OSBPL6: variants seen among roughly 807,000 people sequenced by gnomAD.
OSBPL6 encodes the protein oxysterol binding protein like 6.
OSBPL6 carries 49 observed loss-of-function variants against 125.8 expected under a neutral mutation model. The ratio of observed to expected loss-of-function variants is 0.39; its 90% confidence interval spans 0.31 to 0.49. OSBPL6 has a LOEUF of 0.49. Ranked by LOEUF, OSBPL6 falls within the 20% of genes least tolerant of loss-of-function variation. OSBPL6 has a pLI of 0.88. For missense variants in OSBPL6, 986 were observed against 1,135.4 expected (o/e 0.87, Z 1.89); for synonymous variants, 394 against 391.8 (o/e 1.01, Z -0.07).
rs1418645426 is a variant in OSBPL6, at chr2:178,348,482, G to T, written c.988-742G>T. Among the ~76,000 whole-genome samples the T allele has an allele frequency of 4.6e-5, 7 of 152,172 alleles. No homozygotes were observed. The East Asian group carries it at 7.7e-4, about 17-fold the overall frequency. ...TTTGCCTCCACCAATCAGGAACCTA[G>T]TCCATATCCAGCCTGGGCAAGGAAG... On this transcript the variant is annotated intron_variant, in intron 11 of 24. Transcript: ENST00000190611.
intron 1 of OSBPL6, among the ~76,000 whole-genome samples, chr2:178,250,044 A>G (rs968677016): frequency 1.3e-5 from 2 of 152,200 alleles, no homozygotes; most frequent in Non-Finnish European, 2.9e-5. Flanking sequence ...CATGCCAGCA[A>G]CCGTATAGGT....
At chr2:178,326,212 C>G (rs1429895852) in intron 4 of OSBPL6, among the ~76,000 whole-genome samples, 1 of 151,754 alleles carries the variant, frequency 6.6e-6, no homozygotes, top group African/African-American at 2.4e-5. Flanking sequence ...TACCCACACA[C>G]ATGCACACTC....
intron 1 of OSBPL6, among the ~76,000 whole-genome samples, chr2:178,261,983 C>T (rs2092079790): frequency 6.6e-6 from 1 of 152,088 alleles, no homozygotes; most frequent in Non-Finnish European, 1.5e-5. Flanking sequence ...TCAGATTTCT[C>T]CTACTGATCC....
At chr2:178,259,311 A>G (rs559256937) in intron 1 of OSBPL6, among the ~76,000 whole-genome samples, 1 of 152,252 alleles carries the variant, frequency 6.6e-6, no homozygotes, top group East Asian at 1.9e-4. Context: ...ATTCCGTTTG[A>G]GATTGTGCTG....
Position 178,318,970 on chromosome 2 carries a change from C to T in OSBPL6, c.103-5207C>T, listed in dbSNP as rs145869781. 3.3e-5 allele frequency among the ~76,000 whole-genome samples: 5 copies of T among 152,302 alleles called. No homozygotes were observed. The East Asian group carries it at 7.7e-4, about 23-fold the overall frequency. On this transcript the variant is annotated intron_variant, in intron 3 of 24. Transcript: ENST00000190611. ...GGCAGCACTGTGCATACACTGGATG[C>T]CTACCCTGTGACTTGCAGTGTCTTG...
At chr2:178,337,741 A>C (rs1037355126) in intron 9 of OSBPL6, among the ~76,000 whole-genome samples, 4 of 152,214 alleles carry the variant, frequency 2.6e-5, no homozygotes, top group Non-Finnish European at 5.9e-5. Flanking sequence ...CCTTAAACTG[A>C]ATTATTCACA....
intron 1 of OSBPL6, among the ~76,000 whole-genome samples, chr2:178,283,035 G>A (rs1044005547): frequency 1.3e-5 from 2 of 152,160 alleles, no homozygotes; most frequent in Admixed American, 6.6e-5. Context: ...ACTGAGTAGT[G>A]TGCAGAAAAT....
chr2:178,328,000 C>G (rs981327268), intron 4 of OSBPL6, among the ~76,000 whole-genome samples: 2 of 152,216 alleles, frequency 1.3e-5, no homozygotes, highest in African/African-American at 4.8e-5. Context: ...TTCCATCCTA[C>G]CCCAAACAGA....
chr2:178,233,139 C>T (rs2090903774), intron 1 of OSBPL6, among the ~76,000 whole-genome samples: 1 of 152,176 alleles, frequency 6.6e-6, no homozygotes, highest in African/African-American at 2.4e-5. Flanking sequence ...TTCAAAACAG[C>T]TGATTCAAGA....
chr2:178,353,129 A>T (rs1574947916), intron 12 of OSBPL6, among the ~76,000 whole-genome samples: 1 of 152,386 alleles, frequency 6.6e-6, no homozygotes, highest in Non-Finnish European at 1.5e-5. Flanking sequence ...AAAACCACAA[A>T]GATGGGGAGA....
At chr2:178,241,285 T>G (rs950269923) in intron 1 of OSBPL6, among the ~76,000 whole-genome samples, 9 of 152,056 alleles carry the variant, frequency 5.9e-5, no homozygotes, top group Admixed American at 5.2e-4. Flanking sequence ...AGCTAATTTT[T>G]GTATTTTTAG....
rs1156668873 is a variant in OSBPL6 at position 178,395,521 on chromosome 2, C to G, written c.2767C>G (p.Pro923Ala). ...CACCTACTGGGAGCTTCGAAAGGAC[C>G]CTGGGTTTAGCAAAGTAGACAGCCC... is the stretch of plus-strand genomic sequence containing the variant. The part of the protein sequence containing the change: ...NDTYWELRKD[P>A]GFSKVDSPVL... Residue 923 changes from proline (P) to alanine (A), a missense_variant, in exon 25 of 25, where the codon CCT (proline) becomes GCT (alanine). Physicochemically the swap from Pro to Ala is conservative, Grantham distance 27. This residue lies in a region of OSBPL6 where 843 missense variants were observed against 997.3 expected (regional missense o/e 0.85). Coordinates refer to ENST00000190611, the MANE Select transcript of OSBPL6 (RefSeq NM_032523.4). 1.2e-6 allele frequency: 2 copies of G among 1,613,518 alleles called. No individual in the cohort carries two copies. Among genetic ancestry groups the G allele is most frequent in the Non-Finnish European group, 1.7e-6 (2 of 1,179,782 alleles).
chr2:178,296,497 T>A (rs567683204), intron 2 of OSBPL6, among the ~76,000 whole-genome samples: 1 of 152,148 alleles, frequency 6.6e-6, no homozygotes, highest in African/African-American at 2.4e-5. Flanking sequence ...ACCACTACAA[T>A]GAAAACCACC....
At chr2:178,349,779 G>A (rs1462779868) in intron 12 of OSBPL6, among the ~76,000 whole-genome samples, 1 of 152,094 alleles carries the variant, frequency 6.6e-6, no homozygotes. Flanking sequence ...TTTACAATTT[G>A]TGGGTCGGGA....
At chr2:178,367,784 G>A (rs955167391) in intron 13 of OSBPL6, among the ~76,000 whole-genome samples, 4 of 152,182 alleles carry the variant, frequency 2.6e-5, no homozygotes, top group African/African-American at 9.7e-5. Context: ...AGTGCAGTCC[G>A]AGCTCAGTAA....
At chr2:178,234,134 T>A (rs2090951838) in intron 1 of OSBPL6, among the ~76,000 whole-genome samples, 1 of 152,218 alleles carries the variant, frequency 6.6e-6, no homozygotes. Flanking sequence ...TTACCATATA[T>A]GTCTGAAGTC....
At chr2:178,382,226 G>C (rs1438399689) in intron 15 of OSBPL6, among the ~76,000 whole-genome samples, 194 bp from the exon 16 acceptor site, 1 of 152,146 alleles carries the variant, frequency 6.6e-6, no homozygotes, top group Non-Finnish European at 1.5e-5. Context: ...CTAAAGACCA[G>C]GCTCCCTTCT....
intron 1 of OSBPL6, among the ~76,000 whole-genome samples, chr2:178,210,072 T>A (rs1392185905): frequency 6.6e-6 from 1 of 152,058 alleles, no homozygotes; most frequent in Non-Finnish European, 1.5e-5. Flanking sequence ...CAGGCTGGAG[T>A]GCAGTGGCAT....
chr2:178,226,794 T>A (rs2090583303), intron 1 of OSBPL6, among the ~76,000 whole-genome samples: 1 of 152,226 alleles, frequency 6.6e-6, no homozygotes, highest in African/African-American at 2.4e-5. Flanking sequence ...TTCCTTAGTT[T>A]TCTTTAAGAC....
Sources: allele counts gnomAD v4.1 joint callset (sites outside exome capture counted in the v4.1 genomes callset), GRCh38; gene constraint gnomAD v4.1.1; regional missense constraint gnomAD v4.1.1; transcripts MANE v1.5; gene names NCBI Gene and HGNC (gene_info 2026-07-23, HGNC 2026-07-21).